The following RSU1 variants were observed in gnomAD, a reference collection of about 807,000 sequenced individuals.
The protein encoded by RSU1 is Ras suppressor protein 1, also known as rsu-1.
In RSU1, 26 loss-of-function variants were observed where a neutral mutation model predicts 31.1. That is an observed-to-expected ratio of 0.84 (90% CI 0.61 to 1.16). RSU1 has a LOEUF of 1.16. RSU1 is among the 50% of genes most tolerant of loss of function. The pLI is 0.00. For synonymous variants in RSU1, 164 were observed against 136.3 expected, an observed-to-expected ratio of 1.20 and a Z score of -1.41; for missense variants, 320 against 339.1, an observed-to-expected ratio of 0.94 and a Z score of 0.44.
intron 8 of RSU1, among the ~76,000 whole-genome samples, chr10:16,639,222 C>A (rs1205724315): frequency 6.6e-6 from 1 of 152,218 alleles, no homozygotes; most frequent in Non-Finnish European, 1.5e-5. Context: ...TCACACGTGA[C>A]TCCGGCCTAT....
At chr10:16,714,986 C>T (rs1382435354) in intron 7 of RSU1, among the ~76,000 whole-genome samples, 1 of 152,158 alleles carries the variant, frequency 6.6e-6, no homozygotes. Context: ...CTGGGAATCA[C>T]CAGCATACAT....
At chr10:16,642,244 G>A (rs1443703158) in intron 8 of RSU1, among the ~76,000 whole-genome samples, 1 of 152,152 alleles carries the variant, frequency 6.6e-6, no homozygotes, top group Admixed American at 6.5e-5. Context: ...CAGGTAGGGA[G>A]GAGGAAAAGA....
chr10:16,715,081 TG>T (rs1315981852), intron 7 of RSU1, among the ~76,000 whole-genome samples: 2 of 152,234 alleles, frequency 1.3e-5, no homozygotes, highest in Non-Finnish European at 2.9e-5. Context: ...CACCTGTCCA[TG>T]GTGCTGTCCT....
At chr10:16,714,190 C>T (rs1197097408) in intron 7 of RSU1, among the ~76,000 whole-genome samples, 1 of 152,190 alleles carries the variant, frequency 6.6e-6, no homozygotes, top group Non-Finnish European at 1.5e-5. Context: ...AGCTACGTGG[C>T]TGTCTCTTCA....
rs112282320 is a variant in RSU1 at position 16,778,280 on chromosome 10, G to T, written c.160+3754C>A. 4.6e-5 allele frequency among the ~76,000 whole-genome samples: 7 copies of T among 152,174 alleles called. 1 individual carries two copies. Among genetic ancestry groups the T allele is most frequent in the African/African-American group, 1.7e-4 (7 of 41,528 alleles). On this transcript the variant is annotated intron_variant, in intron 3 of 8. Coordinates refer to ENST00000345264, the MANE Select transcript of RSU1 (RefSeq NM_012425.4). Reference sequence around the variant, plus strand: ...ATGAGCACACAACGAGTAAGAAACAGAAGTCTGTGGCAGCCACATCTACTC... The same window carrying T: ...ATGAGCACACAACGAGTAAGAAACATAAGTCTGTGGCAGCCACATCTACTC...
intron 8 of RSU1, among the ~76,000 whole-genome samples, chr10:16,693,862 TA>T (rs1213207805): frequency 6.6e-5 from 10 of 152,014 alleles, no homozygotes; most frequent in South Asian, 2.1e-4. Context: ...CCCTGTCTCT[TA>T]AAAAAAATTA....
intron 8 of RSU1, among the ~76,000 whole-genome samples, chr10:16,646,171 G>A (rs1484154941): frequency 6.6e-6 from 1 of 151,236 alleles, no homozygotes; most frequent in Non-Finnish European, 1.5e-5. Context: ...TGGAACCACT[G>A]GGCACAGCTC....
chr10:16,687,696 C>T (rs1835464514), intron 8 of RSU1, among the ~76,000 whole-genome samples: 2 of 151,988 alleles, frequency 1.3e-5, no homozygotes, highest in South Asian at 2.1e-4. Flanking sequence ...AACAGTTGAG[C>T]AATTAAACAA....
At chr10:16,804,874 T>A (rs1052739026) in intron 2 of RSU1, among the ~76,000 whole-genome samples, 1 of 152,132 alleles carries the variant, frequency 6.6e-6, no homozygotes, top group Non-Finnish European at 1.5e-5. Context: ...TTTAGAGCAG[T>A]GTAACTGTTC....
At chr10:16,765,370 G>A (rs1490981048) in intron 3 of RSU1, among the ~76,000 whole-genome samples, 1 of 151,970 alleles carries the variant, frequency 6.6e-6, no homozygotes, top group Non-Finnish European at 1.5e-5. Flanking sequence ...ACACACAAAG[G>A]TTACATCAGA....
chr10:16,813,629 G>A (rs1325553664), intron 2 of RSU1, among the ~76,000 whole-genome samples: 1 of 152,202 alleles, frequency 6.6e-6, no homozygotes, highest in African/African-American at 2.4e-5. Flanking sequence ...GGATCAGAGA[G>A]GTTAAGTAGC....
In RSU1 at chr10:16,695,170, A is replaced by AGGGGGGG. The variant is rs770924888; in HGVS notation, c.599-16_599-15insCCCCCCC. ...ATCCAAGTTTCCTGGGGGGGGGGAA[A>AGGGGGGG]AAAAAAGTGAAGGTCACTTCATCCA... On this transcript the variant is annotated splice_polypyrimidine_tract_variant and intron_variant, in intron 7 of 8. Transcript: ENST00000345264. 7.4e-7 allele frequency: 1 copy of AGGGGGGG among 1,354,620 alleles called. No homozygotes were observed. The highest frequency in any genetic ancestry group is 1.0e-6 in the Non-Finnish European group (1 of 982,078). 83.9% of individuals were successfully genotyped at this position (1,354,620 alleles called of 1,614,324 possible).
At chr10:16,774,942 A>C (rs778545846) in intron 3 of RSU1, among the ~76,000 whole-genome samples, 18 of 151,936 alleles carry the variant, frequency 1.2e-4, no homozygotes, top group Middle Eastern at 3.4e-3. Flanking sequence ...GGTGGTGCAC[A>C]TCTATCTAGG....
chr10:16,693,799 C>G (rs1369812740), intron 8 of RSU1, among the ~76,000 whole-genome samples: 1 of 152,088 alleles, frequency 6.6e-6, no homozygotes, highest in African/African-American at 2.4e-5. Context: ...GCGCTTGAGG[C>G]TGCAGTGAGC....
intron 3 of RSU1, among the ~76,000 whole-genome samples, chr10:16,781,791 A>G (rs1216058471): frequency 6.6e-6 from 1 of 152,238 alleles, no homozygotes; most frequent in African/African-American, 2.4e-5. Context: ...GTTCAAGACC[A>G]ACCTGGGTAA....
chr10:16,676,992 C>T (rs1429970641), intron 8 of RSU1, among the ~76,000 whole-genome samples: 11 of 152,110 alleles, frequency 7.2e-5, no homozygotes, highest in South Asian at 2.1e-4. Flanking sequence ...CCTTGAATGT[C>T]GCATGTGCCT....
rs141796478 is a variant in RSU1 at position 16,599,982 on chromosome 10, A to G, written c.732-6486T>C. 2.0e-5 allele frequency among the ~76,000 whole-genome samples: 3 copies of G among 152,310 alleles called. 1 individual carries two copies. Among genetic ancestry groups the G allele is most frequent in the Admixed American group, 2.0e-4 (3 of 15,296 alleles). On this transcript the variant is annotated intron_variant, in intron 8 of 8. Coordinates refer to ENST00000345264, the MANE Select transcript of RSU1 (RefSeq NM_012425.4). ...CCCAGGAACTGGAGGAAACCCTTTG[A>G]CATGGAACCCTAGAGCATCTCTCCC...
intron 2 of RSU1, among the ~76,000 whole-genome samples, chr10:16,788,479 T>C (rs1487593582): frequency 2.0e-5 from 3 of 152,214 alleles, no homozygotes; most frequent in South Asian, 4.1e-4. Flanking sequence ...CTTTCTCCAC[T>C]GGGTGAGGAT....
chr10:16,622,221 C>T (rs941819036), intron 8 of RSU1, among the ~76,000 whole-genome samples: 3 of 152,212 alleles, frequency 2.0e-5, no homozygotes, highest in Non-Finnish European at 2.9e-5. Context: ...ATACTATTCA[C>T]ATTGGCTGTT....
Sources: gnomAD v4.1 joint callset for allele counts (sites outside exome capture counted in the v4.1 genomes callset) on GRCh38, gnomAD v4.1.1 for gene constraint, MANE v1.5 for transcripts, NCBI Gene and HGNC (gene_info 2026-07-23, HGNC 2026-07-21) for gene names.